DNAH5: variants seen among roughly 807,000 people sequenced by gnomAD.
DNAH5 encodes axonemal beta dynein heavy chain 5.
A neutral mutation model predicts 518.2 loss-of-function variants in DNAH5; 372 were observed. The ratio of observed to expected loss-of-function variants is 0.72; its 90% CI spans 0.66 to 0.78. DNAH5 has a LOEUF of 0.78. Ranked by LOEUF, DNAH5 falls within the 30% of genes least tolerant of loss-of-function variation. The pLI is 0.00. For synonymous variants in DNAH5, 2,039 were observed against 2,025.9 expected, an observed-to-expected ratio of 1.01 and a Z score of -0.17; for missense variants, 5,523 against 5,687.0, an observed-to-expected ratio of 0.97 and a Z score of 0.93.
chr5:13,744,284 A>T (rs887326771), intron 65 of DNAH5, among the ~76,000 whole-genome samples: 3 of 151,958 alleles, frequency 2.0e-5, no homozygotes, highest in African/African-American at 7.2e-5. Flanking sequence ...TAAAAAAAAA[A>T]TGTTGATCTC....
At chr5:13,726,049 A>G (rs1208518821) in intron 70 of DNAH5, among the ~76,000 whole-genome samples, 2 of 152,236 alleles carry the variant, frequency 1.3e-5, no homozygotes, top group African/African-American at 4.8e-5. Context: ...GTGGACAGTC[A>G]CACTCAGCCA....
intron 65 of DNAH5, among the ~76,000 whole-genome samples, chr5:13,738,387 T>C (rs573357754): frequency 6.6e-6 from 1 of 152,340 alleles, no homozygotes; most frequent in African/African-American, 2.4e-5. Context: ...AACTTGCTAA[T>C]TGAAAAAGTA....
chr5:13,890,661 C>A (rs1289915447), intron 17 of DNAH5, among the ~76,000 whole-genome samples: 1 of 152,108 alleles, frequency 6.6e-6, no homozygotes, highest in African/African-American at 2.4e-5. Flanking sequence ...GTTAATTAAC[C>A]CTAGCTTATG....
chr5:13,718,003 G>A (rs1197944880), intron 72 of DNAH5, among the ~76,000 whole-genome samples: 1 of 151,800 alleles, frequency 6.6e-6, no homozygotes, highest in Non-Finnish European at 1.5e-5. Flanking sequence ...ATACTATATT[G>A]TATATATAAT....
At position 13,770,768 on chromosome 5, in the gene DNAH5, C is replaced by T. The variant is rs369982479; in HGVS notation, c.9586G>A (p.Val3196Met). 1 of 1,613,882 alleles carries T rather than the reference C, an allele frequency of 6.2e-7. No individual in the cohort carries two copies. The highest frequency in any genetic ancestry group is 1.3e-5 in the African/African-American group (1 of 74,886). ...ACTTACCTGTTGGCCAGGGTCCGCA[C>T]CTCCACATGCTTTTCTCCATATATG... The part of the protein sequence containing the change: ...KFIYGEKHVE[V>M]RTLANRMNTG... The change falls in exon 56 of 79, where the codon GTG (valine) becomes ATG (methionine). Residue 3196 changes from valine (V) to methionine (M), a missense_variant. This residue lies in a region of DNAH5 where 5,121 missense variants were observed against 5,223.3 expected (regional missense o/e 0.98). Transcript: ENST00000265104.
chr5:13,894,317 C>A (rs1170619311), intron 16 of DNAH5, among the ~76,000 whole-genome samples: 1 of 152,140 alleles, frequency 6.6e-6, no homozygotes, highest in East Asian at 1.9e-4. Flanking sequence ...CTATCCAAAT[C>A]TCCACATCTT....
chr5:13,715,900 G>A (rs1744221165), intron 74 of DNAH5, among the ~76,000 whole-genome samples: 1 of 152,170 alleles, frequency 6.6e-6, no homozygotes, highest in South Asian at 2.1e-4. Flanking sequence ...ATAGAGGCCT[G>A]GGATGCTGCT....
chr5:13,877,765 A>C (rs1200372954), intron 21 of DNAH5, among the ~76,000 whole-genome samples: 1 of 152,092 alleles, frequency 6.6e-6, no homozygotes, highest in Non-Finnish European at 1.5e-5. Flanking sequence ...TATCACCATA[A>C]CTCTTAAGGT....
intron 1 of DNAH5, among the ~76,000 whole-genome samples, chr5:13,959,398 G>A (rs765485127): frequency 1.1e-4 from 17 of 152,214 alleles, no homozygotes; most frequent in African/African-American, 2.9e-4. Context: ...CTCTGTCTTC[G>A]AGAATGCCAG....
At chr5:13,786,791 G>C (rs1323927047) in intron 51 of DNAH5, among the ~76,000 whole-genome samples, 1 of 151,986 alleles carries the variant, frequency 6.6e-6, no homozygotes, top group Non-Finnish European at 1.5e-5. Flanking sequence ...TCAGGTCAGT[G>C]GTAAAAATAG....
chr5:13,702,246 T>C (rs373907956), intron 76 of DNAH5, among the ~76,000 whole-genome samples: 3 of 152,366 alleles, frequency 2.0e-5, no homozygotes, highest in South Asian at 4.1e-4. Context: ...AATGTAGTAA[T>C]CAACCTGGGT....
intron 75 of DNAH5, among the ~76,000 whole-genome samples, chr5:13,710,826 A>C (rs973790124): frequency 1.3e-5 from 2 of 152,346 alleles, no homozygotes; most frequent in East Asian, 3.9e-4. Context: ...GAAGAATTAG[A>C]TAACCCTGAA....
chr5:13,868,776 C>T (rs1449710293), intron 24 of DNAH5, among the ~76,000 whole-genome samples: 4 of 152,122 alleles, frequency 2.6e-5, no homozygotes, highest in African/African-American at 9.7e-5. Context: ...AGGGTAATAC[C>T]AAGACCTACA....
chr5:13,762,808 C>T lies in DNAH5; in HGVS notation c.10195G>A (p.Val3399Ile), dbSNP rs749397968. The T allele has an allele frequency of 3.8e-5, 61 of 1,613,982 alleles. No individual in the cohort carries two copies. Among genetic ancestry groups the T allele is most frequent in the South Asian group, 3.3e-4 (30 of 91,084 alleles). The stretch of plus-strand genomic sequence containing the variant: ...CAAAGACCAGCTACATTTCCACATA[C>T]GCGTTTAGCAGTTTCGATGTTATAG... ...PDYNIETAKR[V>I]CGNVAGLCSW... Residue 3399 changes from valine to isoleucine, a missense_variant, in exon 60 of 79, where the codon GTA (valine) becomes ATA (isoleucine). By Grantham distance (29) the Val-to-Ile change is conservative. Transcript: ENST00000265104.
At chr5:13,905,446 T>C (rs2151968682) in intron 12 of DNAH5, among the ~76,000 whole-genome samples, 1 of 152,356 alleles carries the variant, frequency 6.6e-6, no homozygotes. Flanking sequence ...TCCTCAACCT[T>C]GGACTTCTCA....
intron 66 of DNAH5, 71 bp from the exon 67 acceptor site, chr5:13,736,003 C>A (rs1456939187): frequency 1.6e-6 from 2 of 1,251,366 alleles, no homozygotes; most frequent in Non-Finnish European, 2.4e-6. Context: ...AAGAGATCAG[C>A]CTAAACTCTA....
At chr5:13,848,685 C>T (rs1020819687) in intron 31 of DNAH5, among the ~76,000 whole-genome samples, 1 of 152,160 alleles carries the variant, frequency 6.6e-6, no homozygotes, top group Non-Finnish European at 1.5e-5. Context: ...CTAGATCCCT[C>T]GCATGTGCAG....
rs184151103 is a variant in DNAH5, at chr5:13,862,608, G to A, written c.4736C>T (p.Ser1579Leu). The A allele has an allele frequency of 2.2e-5, 36 of 1,613,952 alleles. No homozygotes were observed. The highest frequency in any genetic ancestry group is 8.3e-5 in the Admixed American group (5 of 59,998). Reference sequence around the variant, plus strand: ...GTCCTCCATGTTGGCGATGATTTCCGAGGTACTGTCTCCTCTCAAGAGGAG... The same window carrying A: ...GTCCTCCATGTTGGCGATGATTTCCAAGGTACTGTCTCCTCTCAAGAGGAG... ...GELLLRGDST[S>L]EIIANMEDSL... is the part of the protein sequence containing the mutation. The change falls in exon 29 of 79, where the codon TCG becomes TTG. Residue 1579 changes from serine to leucine, a missense_variant. By Grantham distance (145) the Ser-to-Leu change is moderately radical (BLOSUM62 -2). Around this residue, in one of 3 missense-constraint regions of DNAH5, gnomAD observed 5,121 missense variants for 5,223.3 expected, o/e 0.98. Transcript: ENST00000265104.
At chr5:13,798,504 T>C (rs1209899469) in intron 47 of DNAH5, among the ~76,000 whole-genome samples, 1 of 152,140 alleles carries the variant, frequency 6.6e-6, no homozygotes, top group Admixed American at 6.5e-5. Context: ...AAAGATGTTG[T>C]ATAAATACAG....
Sources: gnomAD v4.1 joint callset for allele counts (sites outside exome capture counted in the v4.1 genomes callset) on GRCh38, gnomAD v4.1.1 for gene constraint, gnomAD v4.1.1 regional missense constraint, MANE v1.5 for transcripts, NCBI Gene and HGNC (gene_info 2026-07-23, HGNC 2026-07-21) for gene names.